WDR26: variants seen among roughly 807,000 people sequenced by gnomAD.
WDR26 encodes WD repeat domain 26.
A neutral mutation model predicts 84.1 loss-of-function variants in WDR26; 5 were observed. The observed-to-expected ratio is 0.06, with a 90% confidence interval of 0.03 to 0.13. WDR26 has a LOEUF of 0.13. Ranked by LOEUF, WDR26 falls within the 10% of genes least tolerant of loss-of-function variation. The pLI, the probability that WDR26 is intolerant of heterozygous loss-of-function variation, is 1.00. For missense variants in WDR26, 642 were observed against 974.9 expected, an observed-to-expected ratio of 0.66 and a Z score of 4.55; for synonymous variants, 415 against 389.6, an observed-to-expected ratio of 1.07 and a Z score of -0.77.
rs755768760 is a variant in WDR26 at position 224,424,580 on chromosome 1, T to A, written c.1002A>T (p.Gln334His). ...GCGGCGTCAATTCACAGCGTAGAAC[T>A]TGAAGTGCCTCCAGGACCTTGCCAT... The change falls in exon 4 of 14, where the codon CAA becomes CAT. Residue 334 changes from glutamine to histidine, a missense_variant. Physicochemically the swap from Gln to His is conservative, Grantham distance 24. Around this residue, in one of 2 missense-constraint regions of WDR26, gnomAD observed 351 missense variants for 672.8 expected, o/e 0.52. Transcript: ENST00000414423. 2.5e-6 allele frequency: 4 copies of A among 1,614,168 alleles called. No individual in the cohort carries two copies. The highest frequency in any genetic ancestry group is 3.4e-6 in the Non-Finnish European group (4 of 1,180,002).
intron 7 of WDR26, among the ~76,000 whole-genome samples, chr1:224,407,170 A>ATATATATATATATATG (rs1421408562): frequency 8.5e-6 from 1 of 116,962 alleles, no homozygotes; most frequent in African/African-American, 3.3e-5. Flanking sequence ...ATATATATAT[A>ATATATATATATATATG]TAACTCAAAA....
At chr1:224,424,718 G>A in intron 3 of WDR26, 64 bp from the exon 4 acceptor site, 1 of 1,605,868 alleles carries the variant, frequency 6.2e-7, no homozygotes, top group Non-Finnish European at 8.5e-7. Context: ...AAATGTTTGT[G>A]CCTAAACAGA....
At chr1:224,411,236 A>C (rs914971570) in intron 7 of WDR26, among the ~76,000 whole-genome samples, 191 bp downstream of exon 7, 14 of 152,314 alleles carry the variant, frequency 9.2e-5, no homozygotes, top group Middle Eastern at 3.4e-3. Context: ...GTTAGCACAT[A>C]AACACTCAAC....
chr1:224,408,189 C>T (rs1251984254), intron 7 of WDR26, among the ~76,000 whole-genome samples: 1 of 152,204 alleles, frequency 6.6e-6, no homozygotes, highest in Admixed American at 6.5e-5. Flanking sequence ...CCCAAACCAC[C>T]TAAATGCCAT....
chr1:224,419,421 T>C, intron 5 of WDR26, 97 bp downstream of exon 5: 2 of 935,432 alleles, frequency 2.1e-6, no homozygotes, highest in Non-Finnish European at 1.7e-6. Context: ...TCAATAAAAG[T>C]ATGTCCAGAT....
intron 13 of WDR26, among the ~76,000 whole-genome samples, chr1:224,393,222 C>T (rs1673173519): frequency 6.6e-6 from 1 of 152,150 alleles, no homozygotes; most frequent in Admixed American, 6.5e-5. Context: ...GTTTCCTTAC[C>T]TCTAAAAATA....
At chr1:224,422,222 G>C (rs1013946348) in intron 4 of WDR26, among the ~76,000 whole-genome samples, 1 of 152,132 alleles carries the variant, frequency 6.6e-6, no homozygotes. Flanking sequence ...GGGGTGGCAA[G>C]TTAAGGAACA....
At chr1:224,431,299 T>C (rs1438919551) in intron 3 of WDR26, 178 bp downstream of exon 3, 2 of 542,294 alleles carry the variant, frequency 3.7e-6, no homozygotes, top group African/African-American at 3.8e-5. Context: ...ATTTACTAAG[T>C]ATGATTTTAA....
chr1:224,422,572 G>A (rs1364918726), intron 4 of WDR26, among the ~76,000 whole-genome samples: 3 of 152,052 alleles, frequency 2.0e-5, no homozygotes, highest in Admixed American at 1.3e-4. Flanking sequence ...AAAATTAGCC[G>A]GGTGTGGTGG....
intron 1 of WDR26, among the ~76,000 whole-genome samples, chr1:224,433,160 TA>T (rs1304795599): frequency 6.6e-6 from 1 of 152,186 alleles, no homozygotes; most frequent in African/African-American, 2.4e-5. Flanking sequence ...TCCGTTCCCA[TA>T]AACACTTGTA....
At chr1:224,410,794 G>A (rs1253777468) in intron 7 of WDR26, among the ~76,000 whole-genome samples, 1 of 150,726 alleles carries the variant, frequency 6.6e-6, no homozygotes, top group African/African-American at 2.5e-5. Flanking sequence ...CACCTCCCGG[G>A]CTCAAGTGAT....
intron 13 of WDR26, among the ~76,000 whole-genome samples, chr1:224,391,743 G>GT (rs1194775179): frequency 2.0e-5 from 3 of 151,866 alleles, no homozygotes; most frequent in African/African-American, 7.3e-5. Flanking sequence ...TATATTTTTC[G>GT]TAAGTTCTAT....
intron 7 of WDR26, among the ~76,000 whole-genome samples, chr1:224,406,933 C>G (rs923257618): frequency 1.7e-4 from 26 of 150,432 alleles, no homozygotes; most frequent in African/African-American, 6.1e-4. Context: ...ACCAGCCTGG[C>G]CAATGTGGTG....
chr1:224,423,003 CTT>C (rs1278631170), intron 4 of WDR26, among the ~76,000 whole-genome samples: 1 of 152,084 alleles, frequency 6.6e-6, no homozygotes, highest in African/African-American at 2.4e-5. Flanking sequence ...CTAAATTATT[CTT>C]TTTTATACTA....
chr1:224,424,406 G>A, intron 4 of WDR26, 112 bp downstream of exon 4: 1 of 1,404,326 alleles, frequency 7.1e-7, no homozygotes, highest in Non-Finnish European at 9.6e-7. Flanking sequence ...AGTTTACCTA[G>A]ACAAATATCT....
rs1011008903 is a variant in WDR26, at chr1:224,434,655, G to GGGCCCGC, written c.-257_-251dup. 3 of 770,484 alleles carry GGGCCCGC rather than the reference G, an allele frequency of 3.9e-6. No individual in the cohort carries two copies. In the African/African-American group the frequency reaches 5.7e-5, roughly 15 times the overall value. The allele number at this position is 770,484 out of a possible 1,614,324, so 47.7% of individuals were successfully genotyped here. On this transcript the variant is annotated 5_prime_UTR_variant, in exon 1 of 14. Transcript: ENST00000414423. ...GCCGCGGGGCGGCTGCGGGGGCGCG[G>GGGCCCGC]GGCCCGCCGCTGGGCTGAGCCCCGG...
chr1:224,393,418 TAA>T (rs1673177751), intron 13 of WDR26, among the ~76,000 whole-genome samples: 1 of 152,214 alleles, frequency 6.6e-6, no homozygotes, highest in African/African-American at 2.4e-5. Flanking sequence ...TACTTTTTTT[TAA>T]AGAGTAAAAT....
intron 4 of WDR26, among the ~76,000 whole-genome samples, chr1:224,422,150 C>T (rs1674082621): frequency 6.6e-6 from 1 of 152,134 alleles, no homozygotes; most frequent in East Asian, 1.9e-4. Flanking sequence ...GAGTACCCAG[C>T]TATGCAAAGA....
rs1188078817 is a variant in WDR26 at position 224,434,789 on chromosome 1, C to T, written c.-384G>A. 3 of 986,366 alleles carry T rather than the reference C, an allele frequency of 3.0e-6. No homozygotes were observed. The highest frequency in any genetic ancestry group is 1.7e-5 in the African/African-American group (1 of 57,216). 61.1% of individuals were successfully genotyped at this position (986,366 alleles called of 1,614,324 possible). A position where few individuals can be genotyped will look rare whatever the true frequency, so the allele number is the denominator to read the frequency against. On this transcript the variant is annotated 5_prime_UTR_variant, in exon 1 of 14. Coordinates refer to ENST00000414423, the MANE Select transcript of WDR26 (RefSeq NM_001379403.1). The stretch of plus-strand genomic sequence containing the variant: ...GGTGTGTTGATTCTTCCCCCAGCTG[C>T]TGCCTAATGGAGTCCAGGCGCTCGC...
Sources: allele counts gnomAD v4.1 joint callset (sites outside exome capture counted in the v4.1 genomes callset), GRCh38; gene constraint gnomAD v4.1.1; regional missense constraint gnomAD v4.1.1; transcripts MANE v1.5; gene names NCBI Gene and HGNC (gene_info 2026-07-23, HGNC 2026-07-21).